The following HIGD1A variants were observed in gnomAD, a reference collection of about 807,000 sequenced individuals.
The protein encoded by HIGD1A is HIG1 domain family member 1A, mitochondrial.
HIGD1A carries 8 observed loss-of-function variants against 11.3 expected under a neutral mutation model. The ratio of observed to expected loss-of-function variants is 0.71; its 90% CI spans 0.42 to 1.28. HIGD1A has a LOEUF of 1.28. Among genes scored for constraint, HIGD1A ranks in the 50% most tolerant of loss-of-function variants. HIGD1A has a pLI of 0.01. For synonymous variants in HIGD1A, 32 were observed against 38.4 expected, an observed-to-expected ratio of 0.83 and a Z score of 0.62; for missense variants, 107 against 118.8, an observed-to-expected ratio of 0.90 and a Z score of 0.46.
At chr3:42,788,111 A>C (rs1700374582) in intron 2 of HIGD1A, among the ~76,000 whole-genome samples, 1 of 152,196 alleles carries the variant, frequency 6.6e-6, no homozygotes, top group Non-Finnish European at 1.5e-5. Flanking sequence ...GCTATCAAAC[A>C]TTATTTGAAA....
chr3:42,791,969 TA>T (rs1700426403), intron 2 of HIGD1A, among the ~76,000 whole-genome samples: 1 of 152,122 alleles, frequency 6.6e-6, no homozygotes, highest in Non-Finnish European at 1.5e-5. Context: ...ATTCAATTAT[TA>T]AAAATATAAA....
At chr3:42,794,356 T>C in intron 1 of HIGD1A, 81 bp from the exon 2 acceptor site, 1 of 1,272,922 alleles carries the variant, frequency 7.9e-7, no homozygotes, top group Admixed American at 3.2e-5. Context: ...AAAATATTCC[T>C]AACTTCCATG....
rs1700610772 is a variant in HIGD1A, at chr3:42,804,466, C to A, written c.-53G>T. The A allele has an allele frequency of 6.4e-6, 3 of 467,424 alleles. No homozygotes were observed. The highest frequency in any genetic ancestry group is 4.0e-5 in the African/African-American group (2 of 49,634). The allele number at this position is 467,424 out of a possible 1,614,324, so 29.0% of individuals were successfully genotyped here. On this transcript the variant is annotated 5_prime_UTR_variant, in exon 1 of 4. Coordinates refer to ENST00000321331, the MANE Select transcript of HIGD1A (RefSeq NM_014056.4). ...GCGAGAAAACCTCTCACACCCCAAC[C>A]GGCTTCCGATCCCTGCAGGCGCACC... is the stretch of plus-strand genomic sequence containing the variant.
At position 42,785,281 on chromosome 3, in the gene HIGD1A, G is replaced by C; in HGVS notation, c.272C>G (p.Pro91Arg). The change falls in exon 4 of 4, where the codon CCT becomes CGT. Residue 91 changes from proline to arginine, a missense_variant. Pro to Arg is a moderately radical substitution (Grantham distance 103, BLOSUM62 -2). Transcript: ENST00000321331. ...ACAGCATCTCTTCTTCTAAGGCTTAGGTTTTGCCCAGAATTCCCGATACAT... is the reference window on the plus strand; with the variant it reads ...ACAGCATCTCTTCTTCTAAGGCTTACGTTTTGCCCAGAATTCCCGATACAT... ...YSMYREFWAKPKP is the reference protein window; with the variant it reads ...YSMYREFWAKRKP 1 of 1,610,662 alleles carries C rather than the reference G, an allele frequency of 6.2e-7. No individual in the cohort carries two copies. Among genetic ancestry groups the C allele is most frequent in the Non-Finnish European group, 8.5e-7 (1 of 1,178,814 alleles).
At chr3:42,794,834 T>G (rs1700474698) in intron 1 of HIGD1A, among the ~76,000 whole-genome samples, 1 of 152,250 alleles carries the variant, frequency 6.6e-6, no homozygotes, top group Non-Finnish European at 1.5e-5. Flanking sequence ...TAATCTGTTA[T>G]CCATGGTGGT....
chr3:42,794,135 C>T (rs765747423), intron 2 of HIGD1A, 22 bp downstream of exon 2: 1 of 1,596,916 alleles, frequency 6.3e-7, no homozygotes, highest in Non-Finnish European at 8.5e-7. Context: ...TTCAAGACTA[C>T]TAAAATGTCA....
At chr3:42,802,625 A>C (rs1470410515) in intron 1 of HIGD1A, among the ~76,000 whole-genome samples, 3 of 152,260 alleles carry the variant, frequency 2.0e-5, no homozygotes, top group Admixed American at 6.5e-5. Context: ...AAAACTGGTT[A>C]AGTATCAGGA....
intron 2 of HIGD1A, among the ~76,000 whole-genome samples, chr3:42,791,899 T>C (rs1022976398): frequency 2.0e-5 from 3 of 152,198 alleles, no homozygotes; most frequent in Non-Finnish European, 2.9e-5. Flanking sequence ...TGAGGGAATA[T>C]ACAACCAAAA....
At chr3:42,787,458 G>A (rs1700364817) in intron 2 of HIGD1A, among the ~76,000 whole-genome samples, 1 of 151,738 alleles carries the variant, frequency 6.6e-6, no homozygotes, top group African/African-American at 2.4e-5. Flanking sequence ...CGGGCATGGT[G>A]GCATGCGCCT....
At position 42,786,145 on chromosome 3, in the gene HIGD1A, C is replaced by T. The variant is rs575894350; in HGVS notation, c.115G>A (p.Ala39Thr). ...TTATATAATCCATATGCAACAATTGCTGCAAAACCCGCTATTCCTGTAAAA... is the reference window on the plus strand; with the variant it reads ...TTATATAATCCATATGCAACAATTGTTGCAAAACCCGCTATTCCTGTAAAA... ...FVPVGIAGFA[A>T]IVAYGLYKLK... Residue 39 changes from alanine (A) to threonine (T), a missense_variant, in exon 3 of 4, where the codon GCA becomes ACA. Ala to Thr is a moderately conservative substitution (Grantham distance 58). Coordinates refer to ENST00000321331, the MANE Select transcript of HIGD1A (RefSeq NM_014056.4). 8 of 1,614,046 alleles carry T rather than the reference C, an allele frequency of 5.0e-6. No individual in the cohort carries two copies. The African/African-American group carries it at 8.0e-5, about 16-fold the overall frequency.
At chr3:42,799,535 C>T (rs555471653) in intron 1 of HIGD1A, among the ~76,000 whole-genome samples, 4 of 152,192 alleles carry the variant, frequency 2.6e-5, no homozygotes, top group African/African-American at 7.2e-5. Flanking sequence ...CTTTGCTCAC[C>T]GCAACCTCTG....
chr3:42,792,931 G>A (rs1172714758), intron 2 of HIGD1A, among the ~76,000 whole-genome samples: 14 of 139,260 alleles, frequency 1.0e-4, no homozygotes, highest in Non-Finnish European at 2.0e-4. Flanking sequence ...GCAGTGAGCC[G>A]ATATCGCGCC....
At chr3:42,791,100 T>C (rs1325469529) in intron 2 of HIGD1A, among the ~76,000 whole-genome samples, 3 of 152,188 alleles carry the variant, frequency 2.0e-5, no homozygotes, top group African/African-American at 7.2e-5. Context: ...GAGTAACAAA[T>C]CTCTCATATG....
chr3:42,788,157 T>C (rs1358014472), intron 2 of HIGD1A, among the ~76,000 whole-genome samples: 1 of 152,126 alleles, frequency 6.6e-6, no homozygotes, highest in African/African-American at 2.4e-5. Flanking sequence ...ACAAATAAAA[T>C]TGTAAAACCT....
Position 42,784,987 on chromosome 3 carries a change from T to C in HIGD1A, c.*284A>G. ...TATCTTCTTTAGAACTAAGTTCATC[T>C]TAAAAATTTAAGAAGGTGGACATTT... On this transcript the variant is annotated 3_prime_UTR_variant, in exon 4 of 4. Coordinates refer to ENST00000321331, the MANE Select transcript of HIGD1A (RefSeq NM_014056.4). The C allele has an allele frequency of 2.7e-6, 1 of 364,332 alleles. No homozygotes were observed. Among genetic ancestry groups the C allele is most frequent in the Non-Finnish European group, 5.0e-6 (1 of 201,576 alleles). 22.6% of individuals were successfully genotyped at this position (364,332 alleles called of 1,614,324 possible). A position where few individuals can be genotyped will look rare whatever the true frequency, so the allele number is the denominator to read the frequency against.
rs1700320351 is a variant in HIGD1A, at chr3:42,784,241, T to C, written c.*1030A>G. 2 of 152,188 alleles carry C rather than the reference T, an allele frequency of 1.3e-5. No individual in the cohort carries two copies. The highest frequency in any genetic ancestry group is 2.9e-5 in the Non-Finnish European group (2 of 68,036). The allele number at this position is 152,188 out of a possible 1,614,324, so 9.4% of individuals were successfully genotyped here. A position where few individuals can be genotyped will look rare whatever the true frequency, so the allele number is the denominator to read the frequency against. ...ACAAAAAAGACAATTTCCTGAAACT[T>C]GTTCTCAAATTTGTTCCTCTACAGA... On this transcript the variant is annotated 3_prime_UTR_variant, in exon 4 of 4. Coordinates refer to ENST00000321331, the MANE Select transcript of HIGD1A (RefSeq NM_014056.4).
chr3:42,804,001 G>A (rs1024156524), intron 1 of HIGD1A, among the ~76,000 whole-genome samples: 1 of 152,090 alleles, frequency 6.6e-6, no homozygotes, highest in African/African-American at 2.4e-5. Context: ...TGACCGGAGC[G>A]CTCGCTCTCC....
Position 42,783,577 on chromosome 3 carries a change from T to C in HIGD1A, c.*1694A>G, listed in dbSNP as rs1035694014. ...GTGCCGTGAGCTCAGATCACACCAC[T>C]GTACTCCAGCCTCAGCAACAGAGCA... On this transcript the variant is annotated 3_prime_UTR_variant, in exon 4 of 4. Transcript: ENST00000321331. 6.6e-6 allele frequency among the ~76,000 whole-genome samples: 1 copy of C among 152,126 alleles called. No individual in the cohort carries two copies. Among genetic ancestry groups the C allele is most frequent in the African/African-American group, 2.4e-5 (1 of 41,426 alleles).
chr3:42,788,342 T>G (rs1482110642), intron 2 of HIGD1A, among the ~76,000 whole-genome samples: 2 of 152,156 alleles, frequency 1.3e-5, no homozygotes, highest in Admixed American at 6.5e-5. Context: ...TTCCTAAATT[T>G]GATTCAAGAA....
Sources: gnomAD v4.1 joint callset for allele counts (sites outside exome capture counted in the v4.1 genomes callset) on GRCh38, gnomAD v4.1.1 for gene constraint, MANE v1.5 for transcripts, NCBI Gene and HGNC (gene_info 2026-07-23, HGNC 2026-07-21) for gene names.